COPA: variants seen among roughly 807,000 people sequenced by gnomAD.
COPA encodes the protein coat protein complex I subunit alpha.
Under a neutral mutation model 158.7 loss-of-function variants are expected in COPA, and 10 were observed. The observed-to-expected ratio is 0.06, with a 90% CI of 0.04 to 0.11. COPA has a LOEUF of 0.11. Ranked by LOEUF, COPA falls within the 10% of genes least tolerant of loss-of-function variation. COPA has a pLI of 1.00. For missense variants in COPA, 1,065 were observed against 1,536.7 expected (o/e 0.69, Z 5.13); for synonymous variants, 462 against 542.8 (o/e 0.85, Z 2.07).
chr1:160,291,284 A>C (rs752447894), intron 31 of COPA, 51 bp downstream of exon 31: 1 of 1,601,978 alleles, frequency 6.2e-7, no homozygotes, highest in East Asian at 2.2e-5. Context: ...TGCTCCCTCC[A>C]TGTAAGAGCT....
chr1:160,322,989 G>GCA (rs112126446), intron 8 of COPA, among the ~76,000 whole-genome samples: 8,251 of 145,280 alleles, frequency 0.057, 290 homozygotes, highest in African/African-American at 0.091. Context: ...ACGCGCACGT[G>GCA]CACACACACA....
chr1:160,322,105 A>G (rs574248776), intron 8 of COPA, among the ~76,000 whole-genome samples: 3 of 152,184 alleles, frequency 2.0e-5, no homozygotes, highest in Non-Finnish European at 2.9e-5. Context: ...GAAACAGAAA[A>G]AAAATCCTAA....
At chr1:160,290,324 G>A (rs1475011137) in intron 32 of COPA, 108 bp from the exon 33 acceptor site, 1 of 1,398,452 alleles carries the variant, frequency 7.2e-7, no homozygotes, top group African/African-American at 1.4e-5. Flanking sequence ...GTATTGGGGT[G>A]TTCATCACTG....
At chr1:160,300,226 A>G (rs1470300503) in intron 17 of COPA, among the ~76,000 whole-genome samples, 1 of 151,876 alleles carries the variant, frequency 6.6e-6, no homozygotes, top group Non-Finnish European at 1.5e-5. Context: ...TGTAATCCCA[A>G]CTACTCGGAA....
chr1:160,336,149 C>T (rs915042838), intron 3 of COPA, among the ~76,000 whole-genome samples: 7 of 151,516 alleles, frequency 4.6e-5, no homozygotes, highest in East Asian at 1.9e-4. Context: ...AGTTTGGGAC[C>T]GGCCTGGCCA....
chr1:160,290,375 G>T, intron 32 of COPA, 117 bp downstream of exon 32: 1 of 1,391,214 alleles, frequency 7.2e-7, no homozygotes, highest in Non-Finnish European at 9.9e-7. Context: ...GCTTTCTCCA[G>T]TGTCACTGCC....
intron 8 of COPA, among the ~76,000 whole-genome samples, chr1:160,314,785 G>C (rs1192768423): frequency 6.6e-6 from 1 of 151,862 alleles, no homozygotes; most frequent in Non-Finnish European, 1.5e-5. Context: ...GAACAAATAT[G>C]AGCTCCTTCA....
intron 7 of COPA, among the ~76,000 whole-genome samples, chr1:160,324,591 C>A (rs1659434012): frequency 6.6e-6 from 1 of 151,928 alleles, no homozygotes; most frequent in Non-Finnish European, 1.5e-5. Flanking sequence ...ACCCACTGCA[C>A]CCAGCCTATT....
intron 8 of COPA, among the ~76,000 whole-genome samples, chr1:160,319,400 G>A (rs1178912867): frequency 1.3e-5 from 2 of 151,298 alleles, no homozygotes; most frequent in African/African-American, 4.9e-5. Flanking sequence ...AACACTAATA[G>A]ATCCAAAAGG....
At position 160,314,045 on chromosome 1, in the gene COPA, A is replaced by C; in HGVS notation, c.787T>G (p.Leu263Val). Residue 263 changes from leucine (L) to valine (V), a missense_variant, in exon 9 of 33, where the codon TTG becomes GTG. Physicochemically the swap from Leu to Val is conservative, Grantham distance 32 (BLOSUM62 1). Transcript: ENST00000241704. ...TTGTCCTCAGAATTGCTGAGGATCA[A>C]CTCTTGGCGAGGGTGGAAGACGGCA... is the stretch of plus-strand genomic sequence containing the variant. The part of the protein sequence containing the change: ...SCAVFHPRQE[L>V]ILSNSEDKSI... 3.1e-6 allele frequency: 5 copies of C among 1,613,846 alleles called. No homozygotes were observed. Among genetic ancestry groups the C allele is most frequent in the Non-Finnish European group, 4.2e-6 (5 of 1,179,948 alleles).
chr1:160,321,581 A>T (rs1001858662), intron 8 of COPA, among the ~76,000 whole-genome samples: 2 of 152,220 alleles, frequency 1.3e-5, no homozygotes, highest in African/African-American at 2.4e-5. Flanking sequence ...TGAGGTCAAG[A>T]GTTCGAGACC....
chr1:160,340,862 C>T (rs1648008714), intron 1 of COPA, among the ~76,000 whole-genome samples: 1 of 152,146 alleles, frequency 6.6e-6, no homozygotes, highest in African/African-American at 2.4e-5. Context: ...CTCTGCAGCC[C>T]CCTCTTCTCC....
chr1:160,313,576 G>A (rs1015824948), intron 9 of COPA, among the ~76,000 whole-genome samples: 11 of 152,144 alleles, frequency 7.2e-5, no homozygotes, highest in East Asian at 5.8e-4. Flanking sequence ...CACCACGCCC[G>A]GCTAATTTTT....
At chr1:160,290,390 G>T in intron 32 of COPA, 102 bp downstream of exon 32, 1 of 1,439,004 alleles carries the variant, frequency 6.9e-7, no homozygotes, top group Non-Finnish European at 9.5e-7. Context: ...ACTGCCTCAG[G>T]GAGCAGGGGA....
At chr1:160,321,792 T>A (rs1659337033) in intron 8 of COPA, among the ~76,000 whole-genome samples, 1 of 151,900 alleles carries the variant, frequency 6.6e-6, no homozygotes, top group African/African-American at 2.4e-5. Context: ...TGTCTCAAAA[T>A]ATCAGTAGCA....
intron 30 of COPA, 127 bp downstream of exon 30, chr1:160,291,692 T>C (rs1259482495): frequency 1.2e-5 from 14 of 1,149,946 alleles, no homozygotes; most frequent in East Asian, 7.0e-5. Flanking sequence ...CCTCCCCTCA[T>C]AGAAATGAAG....
At chr1:160,320,792 TAAAAAAAA>T (rs143294298) in intron 8 of COPA, among the ~76,000 whole-genome samples, 1 of 89,244 alleles carries the variant, frequency 1.1e-5, no homozygotes, top group African/African-American at 4.0e-5. Flanking sequence ...TTCAAACTCT[TAAAAAAAA>T]AAAAAAAAAA....
At chr1:160,335,175 G>A (rs1053086959) in intron 4 of COPA, 67 bp downstream of exon 4, 1 of 1,394,318 alleles carries the variant, frequency 7.2e-7, no homozygotes, top group Non-Finnish European at 9.8e-7. Flanking sequence ...GGTTCTCAAG[G>A]ATCAAATAAA....
At chr1:160,294,619 C>T in intron 24 of COPA, 26 bp from the exon 25 acceptor site, 1 of 1,612,460 alleles carries the variant, frequency 6.2e-7, no homozygotes, top group South Asian at 1.1e-5. Flanking sequence ...AAGCTCAAAA[C>T]AGATTTGGGC....
Sources: allele counts gnomAD v4.1 joint callset (sites outside exome capture counted in the v4.1 genomes callset), GRCh38; gene constraint gnomAD v4.1.1; transcripts MANE v1.5; gene names NCBI Gene and HGNC (gene_info 2026-07-23, HGNC 2026-07-21).